TMEM74: variants seen among roughly 807,000 people sequenced by gnomAD.
TMEM74 encodes the protein transmembrane protein 74.
A neutral mutation model predicts 18.1 loss-of-function variants in TMEM74; 13 were observed. The ratio of observed to expected loss-of-function variants is 0.72; its 90% confidence interval spans 0.47 to 1.14. The LOEUF (loss-of-function observed/expected upper bound fraction) is 1.14. Ranked by LOEUF, TMEM74 falls within the 50% of genes most tolerant of loss-of-function variation. The pLI is 0.00. For missense variants in TMEM74, 372 were observed against 375.9 expected, an observed-to-expected ratio of 0.99 and a Z score of 0.09; for synonymous variants, 159 against 146.6, an observed-to-expected ratio of 1.08 and a Z score of -0.61.
At chr8:108,702,926 T>G in intron 1 of TMEM74, among the ~76,000 whole-genome samples, 1 of 139,362 alleles carries the variant, frequency 7.2e-6, no homozygotes, top group South Asian at 2.2e-4. Flanking sequence ...AGGAATTTTG[T>G]TAAAAAAAAA....
At chr8:108,723,592 T>A (rs977813252) in intron 1 of TMEM74, among the ~76,000 whole-genome samples, 1 of 152,162 alleles carries the variant, frequency 6.6e-6, no homozygotes, top group Non-Finnish European at 1.5e-5. Context: ...CAACTATAAA[T>A]GGCTTTCACG....
At position 108,779,026 on chromosome 8, in the gene TMEM74, T is replaced by C. The variant is rs1814270459; in HGVS notation, c.*5155A>G. Among the ~76,000 whole-genome samples, 1 of 152,204 alleles carries C rather than the reference T, an allele frequency of 6.6e-6. No homozygotes were observed. Among genetic ancestry groups the C allele is most frequent in the East Asian group, 1.9e-4 (1 of 5,200 alleles). On this transcript the variant is annotated 3_prime_UTR_variant, in exon 2 of 2. Coordinates refer to ENST00000297459, the MANE Select transcript of TMEM74 (RefSeq NM_153015.3). ...TTTGGACAAATAATTTCAAATATAA[T>C]TTTAAAAGACCAAATCAGCATTACA...
chr8:108,639,849 C>G (rs1424870683), intron 2 of TMEM74, among the ~76,000 whole-genome samples: 1 of 152,076 alleles, frequency 6.6e-6, no homozygotes, highest in Non-Finnish European at 1.5e-5. Flanking sequence ...GAGAACCACT[C>G]TTAGAATTTT....
chr8:108,777,372 A>G (rs181281625), downstream of TMEM74, among the ~76,000 whole-genome samples: 54 of 152,326 alleles, frequency 3.5e-4, no homozygotes, highest in East Asian at 9.4e-3. Flanking sequence ...GCACATAGAA[A>G]GAGTAACTAC....
chr8:108,628,121 CAGTTTGACTCCCTG>C (rs1812514351), intron 2 of TMEM74, among the ~76,000 whole-genome samples: 1 of 151,950 alleles, frequency 6.6e-6, no homozygotes, highest in African/African-American at 2.4e-5. Context: ...GAATGGCTTG[CAGTTTGACTCCCTG>C]AGTTATGCTC....
chr8:108,622,107 G>A (rs1812445932), intron 2 of TMEM74, among the ~76,000 whole-genome samples: 1 of 152,018 alleles, frequency 6.6e-6, no homozygotes, highest in Non-Finnish European at 1.5e-5. Flanking sequence ...AATTTTAAGA[G>A]GTGAAAGTTT....
rs147211674 is a variant in TMEM74 at position 108,741,178 on chromosome 8, C to T, written n.119+46298G>A. ...TATACCTACCTATGTGAGAAAACTACTTTAAAAAAATCAGTGACATCATGA... is the reference window on the plus strand; with the variant it reads ...TATACCTACCTATGTGAGAAAACTATTTTAAAAAAATCAGTGACATCATGA... On this transcript the variant is annotated intron_variant and non_coding_transcript_variant, in intron 1 of 3. Transcript: ENST00000518838. Among the ~76,000 whole-genome samples the T allele has an allele frequency of 1.3e-3, 203 of 152,164 alleles. 3 individuals are homozygous for T. The East Asian group carries it at 0.033, about 25-fold the overall frequency.
downstream of TMEM74, among the ~76,000 whole-genome samples, chr8:108,775,976 T>C (rs995104571): frequency 6.6e-6 from 1 of 152,246 alleles, no homozygotes; most frequent in Admixed American, 6.5e-5. Flanking sequence ...CCAGAACAGT[T>C]ACTTTTGCTA....
At chr8:108,746,563 T>C (rs1431389329) in intron 1 of TMEM74, among the ~76,000 whole-genome samples, 2 of 152,116 alleles carry the variant, frequency 1.3e-5, no homozygotes. Flanking sequence ...CTTCATCTAG[T>C]TACTGACACA....
intron 1 of TMEM74, among the ~76,000 whole-genome samples, chr8:108,751,899 T>C (rs915193965): frequency 1.2e-4 from 18 of 152,112 alleles, no homozygotes; most frequent in African/African-American, 3.9e-4. Flanking sequence ...GCTAGGACAA[T>C]GTTGCTAAGG....
rs551654976 is a variant in TMEM74, at chr8:108,763,873, A to G, written n.119+23603T>C. ...AAATTCTTCCAACTTTTAATATTAC[A>G]GGTTTCTGATTATTTAATCATTCTT... On this transcript the variant is annotated intron_variant and non_coding_transcript_variant, in intron 1 of 3. Transcript: ENST00000518838. Among the ~76,000 whole-genome samples the G allele has an allele frequency of 1.2e-4, 19 of 152,300 alleles. No individual in the cohort carries two copies. The South Asian group carries it at 3.9e-3, about 32-fold the overall frequency.
chr8:108,657,054 T>C (rs1450626309), intron 1 of TMEM74, among the ~76,000 whole-genome samples: 1 of 152,180 alleles, frequency 6.6e-6, no homozygotes, highest in Non-Finnish European at 1.5e-5. Flanking sequence ...GTGCATTTTA[T>C]AATATTCACT....
chr8:108,740,791 T>C (rs1813792541), intron 1 of TMEM74, among the ~76,000 whole-genome samples: 1 of 152,218 alleles, frequency 6.6e-6, no homozygotes, highest in Non-Finnish European at 1.5e-5. Flanking sequence ...GGCACTGTTT[T>C]ATAAAGCTGA....
chr8:108,648,957 C>T (rs1031288411), intron 2 of TMEM74, among the ~76,000 whole-genome samples: 1 of 152,216 alleles, frequency 6.6e-6, no homozygotes, highest in African/African-American at 2.4e-5. Context: ...AAAAATAAAG[C>T]AAAAGAGTAT....
intron 2 of TMEM74, among the ~76,000 whole-genome samples, chr8:108,623,203 A>G (rs1006978042): frequency 1.1e-4 from 17 of 152,134 alleles, no homozygotes; most frequent in Non-Finnish European, 2.5e-4. Flanking sequence ...TGAGGAGGAT[A>G]TGTGCTCATT....
chr8:108,744,087 C>T (rs1813826243), intron 1 of TMEM74, among the ~76,000 whole-genome samples: 1 of 152,164 alleles, frequency 6.6e-6, no homozygotes, highest in Non-Finnish European at 1.5e-5. Flanking sequence ...TTATTTTACA[C>T]TTTATGATTT....
At chr8:108,758,041 C>T (rs1033832512) in intron 1 of TMEM74, among the ~76,000 whole-genome samples, 12 of 152,050 alleles carry the variant, frequency 7.9e-5, no homozygotes, top group African/African-American at 2.7e-4. Flanking sequence ...CAGATGCTTT[C>T]TTAGAGACAT....
rs565869013 is a variant in TMEM74, at chr8:108,784,452, C to T, written c.647G>A (p.Arg216His). The T allele has an allele frequency of 5.0e-6, 8 of 1,614,084 alleles. No individual in the cohort carries two copies. Among genetic ancestry groups the T allele is most frequent in the Non-Finnish European group, 6.8e-6 (8 of 1,180,054 alleles). Residue 216 changes from arginine to histidine, a missense_variant, in exon 2 of 2, where the codon CGC becomes CAC. Coordinates refer to ENST00000297459, the MANE Select transcript of TMEM74 (RefSeq NM_153015.3). Reference protein sequence around the residue: ...PNTVAAREMERLEKESARLGA... With the variant: ...PNTVAAREMEHLEKESARLGA... ...CAGCCTCGCACTCTCCTTCTCCAGG[C>T]GCTCCATCTCCCGGGCTGCCACAGT...
intron 2 of TMEM74, among the ~76,000 whole-genome samples, chr8:108,612,389 G>T (rs746060076): frequency 6.6e-6 from 1 of 152,070 alleles, no homozygotes; most frequent in Admixed American, 6.5e-5. Flanking sequence ...AATAACAAAT[G>T]GTGATTATTT....
Sources: allele counts gnomAD v4.1 joint callset (sites outside exome capture counted in the v4.1 genomes callset), GRCh38; gene constraint gnomAD v4.1.1; transcripts MANE v1.5; gene names NCBI Gene and HGNC (gene_info 2026-07-23, HGNC 2026-07-21).